The following KCNAB2 variants were observed in gnomAD, a reference collection of about 807,000 sequenced individuals.
The protein encoded by KCNAB2 is voltage-gated potassium channel subunit beta-2.
Under a neutral mutation model 63.6 loss-of-function variants are expected in KCNAB2, and 29 were observed. The ratio of observed to expected loss-of-function variants is 0.46; its 90% CI spans 0.34 to 0.62. KCNAB2 has a LOEUF of 0.62. Among genes scored for constraint, KCNAB2 ranks in the 20% least tolerant of loss-of-function variants. The pLI is 0.01. For missense variants in KCNAB2, 359 were observed against 563.9 expected, an observed-to-expected ratio of 0.64 and a Z score of 3.68; for synonymous variants, 222 against 224.2, an observed-to-expected ratio of 0.99 and a Z score of 0.09.
At chr1:6,053,625 G>A (rs1362052496) in intron 2 of KCNAB2, among the ~76,000 whole-genome samples, 3 of 152,196 alleles carry the variant, frequency 2.0e-5, no homozygotes, top group Non-Finnish European at 4.4e-5. Flanking sequence ...GCTGGAGGGA[G>A]GAAGGTGGAG....
chr1:6,091,109 G>A (rs934102866), intron 9 of KCNAB2, among the ~76,000 whole-genome samples, 154 bp from the exon 10 acceptor site: 2 of 152,204 alleles, frequency 1.3e-5, no homozygotes, highest in African/African-American at 4.8e-5. Flanking sequence ...TATACAGCAC[G>A]CACGTGCGTG....
intron 9 of KCNAB2, among the ~76,000 whole-genome samples, chr1:6,090,750 A>G (rs1231112816): frequency 6.6e-6 from 1 of 152,160 alleles, no homozygotes; most frequent in Non-Finnish European, 1.5e-5. Context: ...CCTCCGAGTC[A>G]GAGCCGCAGT....
rs1463836050 is a variant in KCNAB2, at chr1:6,100,722, C to T, written c.*2148C>T. 6.6e-6 allele frequency: 1 copy of T among 152,318 alleles called. No individual in the cohort carries two copies. The highest frequency in any genetic ancestry group is 1.5e-5 in the Non-Finnish European group (1 of 68,090). The allele number at this position is 152,318 out of a possible 1,614,324, so 9.4% of individuals were successfully genotyped here. A position where few individuals can be genotyped will look rare whatever the true frequency, so the allele number is the denominator to read the frequency against. ...CCTCTGGCGCAGCTCTTTCCACGAC[C>T]TGGTTCCTGGATGTCCTGCTTGCTC... On this transcript the variant is annotated 3_prime_UTR_variant, in exon 16 of 16. Coordinates refer to ENST00000378083, the MANE Select transcript of KCNAB2 (RefSeq NM_001199862.2).
At chr1:6,038,036 A>G (rs1013313209) in intron 1 of KCNAB2, among the ~76,000 whole-genome samples, 3 of 151,408 alleles carry the variant, frequency 2.0e-5, no homozygotes, top group Admixed American at 2.0e-4. Context: ...CATCACACCC[A>G]GCTAATTTTT....
intron 1 of KCNAB2, among the ~76,000 whole-genome samples, chr1:5,999,129 G>T (rs1657096048): frequency 6.6e-6 from 1 of 152,236 alleles, no homozygotes; most frequent in Admixed American, 6.5e-5. Flanking sequence ...CATTTCTGGG[G>T]ACACCCGTGA....
intron 2 of KCNAB2, among the ~76,000 whole-genome samples, chr1:6,059,955 C>T (rs141102513): frequency 2.0e-5 from 3 of 152,314 alleles, no homozygotes; most frequent in African/African-American, 7.2e-5. Flanking sequence ...GAATGGGCCC[C>T]GCCAGTGGGA....
At position 5,994,716 on chromosome 1, in the gene KCNAB2, A is replaced by G. The variant is rs944406105; in HGVS notation, c.-53+1928A>G. ...ATGGGAAGCAGTGTGCACAGAAGCCATTGCACCCGGGAGGTGGGACGTGGG... is the reference window on the plus strand; with the variant it reads ...ATGGGAAGCAGTGTGCACAGAAGCCGTTGCACCCGGGAGGTGGGACGTGGG... On this transcript the variant is annotated intron_variant, in intron 1 of 16. Coordinates refer to the KCNAB2 transcript ENST00000341524. This position sits in a 1 kb window ranked among gnomAD's most constrained non-coding sequence, Gnocchi z 5.4. Among the ~76,000 whole-genome samples the G allele has an allele frequency of 6.6e-6, 1 of 152,126 alleles. No homozygotes were observed. The highest frequency in any genetic ancestry group is 1.5e-5 in the Non-Finnish European group (1 of 68,014).
At chr1:5,996,680 TGGGAAAAG>T (rs1485145736) in intron 1 of KCNAB2, among the ~76,000 whole-genome samples, 1 of 152,210 alleles carries the variant, frequency 6.6e-6, no homozygotes, top group Non-Finnish European at 1.5e-5. Context: ...AAAACAGGAT[TGGGAAAAG>T]GGGAAAAGTG....
rs544448669 is a variant in KCNAB2 at position 6,048,543 on chromosome 1, C to G, written c.-27+2360C>G. Among the ~76,000 whole-genome samples, 11 of 152,386 alleles carry G rather than the reference C, an allele frequency of 7.2e-5. No homozygotes were observed. In the East Asian group the frequency reaches 2.1e-3, roughly 29 times the overall value. On this transcript the variant is annotated intron_variant, in intron 1 of 15. Coordinates refer to ENST00000378083, the MANE Select transcript of KCNAB2 (RefSeq NM_001199862.2). Reference sequence around the variant, plus strand: ...GCTGGGCACTCAGCCACCCCGTCCTCCAGCCCCGGGGCCTTGGCTATATTT... The same window carrying G: ...GCTGGGCACTCAGCCACCCCGTCCTGCAGCCCCGGGGCCTTGGCTATATTT...
At chr1:6,083,270 A>G (rs1664365395) in intron 5 of KCNAB2, among the ~76,000 whole-genome samples, 1 of 152,150 alleles carries the variant, frequency 6.6e-6, no homozygotes, top group African/African-American at 2.4e-5. Flanking sequence ...CCAAGCCGAG[A>G]GGCACCTCCC....
chr1:6,056,543 CG>C (rs1342943923), intron 2 of KCNAB2, among the ~76,000 whole-genome samples: 1 of 152,154 alleles, frequency 6.6e-6, no homozygotes, highest in East Asian at 1.9e-4. Context: ...AAGCTGTGGC[CG>C]GGCCCACACT....
rs375767177 is a variant in KCNAB2, at chr1:6,095,641, G to A, written c.948+17G>A. ...TCCTTGAAGGTGAAGGAACAGCCTG[G>A]TGGGGAGGGACGGGCAGGGGATAGG... On this transcript the variant is annotated intron_variant, in intron 13 of 15. Transcript: ENST00000378083. 1.2e-4 allele frequency: 198 copies of A among 1,611,084 alleles called. No homozygotes were observed. The highest frequency in any genetic ancestry group is 1.6e-4 in the Middle Eastern group (1 of 6,080).
At position 6,082,963 on chromosome 1, in the gene KCNAB2, G is replaced by A. The variant is rs530681848; in HGVS notation, c.380+689G>A. On this transcript the variant is annotated intron_variant, in intron 5 of 15. Transcript: ENST00000378083. ...TAGCTGCTTGGCCCGCAGCTGCTTC[G>A]TGGGCCCTGGGTGGTTACCTGCAAC... 3.9e-5 allele frequency among the ~76,000 whole-genome samples: 6 copies of A among 152,300 alleles called. No homozygotes were observed. In the South Asian group the frequency reaches 8.3e-4, roughly 21 times the overall value.
In KCNAB2 at chr1:6,046,127, A is replaced by G; in HGVS notation, c.-83A>G. 1 of 985,374 alleles carries G rather than the reference A, an allele frequency of 1.0e-6. No individual in the cohort carries two copies. Among genetic ancestry groups the G allele is most frequent in the South Asian group, 4.7e-5 (1 of 21,286 alleles). 61.0% of individuals were successfully genotyped at this position (985,374 alleles called of 1,614,324 possible). On this transcript the variant is annotated 5_prime_UTR_variant, in exon 1 of 16. Transcript: ENST00000378083. ...TGCCAGATCCTTAGAGTGTCTGGTG[A>G]TCCCTAATAAACCAGACTGTGGCCT...
At chr1:6,083,285 C>T (rs1195492126) in intron 5 of KCNAB2, among the ~76,000 whole-genome samples, 2 of 152,188 alleles carry the variant, frequency 1.3e-5, no homozygotes, top group East Asian at 1.9e-4. Context: ...CCTCCCGTCC[C>T]GAGCCCCCCA....
At chr1:6,091,154 G>GTGTTCTGCAC in intron 9 of KCNAB2, 109 bp from the exon 10 acceptor site, 1 of 769,496 alleles carries the variant, frequency 1.3e-6, no homozygotes, top group Admixed American at 2.0e-5. Flanking sequence ...AACTAAACGC[G>GTGTTCTGCAC]TGTTCTGCAC....
At chr1:6,054,352 G>A (rs1321790687) in intron 2 of KCNAB2, among the ~76,000 whole-genome samples, 2 of 152,204 alleles carry the variant, frequency 1.3e-5, no homozygotes, top group African/African-American at 2.4e-5. Flanking sequence ...AAAAGCAGCC[G>A]GGTGAGGTGG....
upstream of KCNAB2, among the ~76,000 whole-genome samples, chr1:6,042,042 C>T (rs1011895346): frequency 1.3e-5 from 2 of 151,994 alleles, no homozygotes; most frequent in Non-Finnish European, 2.9e-5. Flanking sequence ...GGATGCTGTG[C>T]AATGTCCTGA....
At chr1:6,090,562 GC>G (rs1424176059) in intron 9 of KCNAB2, 87 bp downstream of exon 9, 1 of 998,950 alleles carries the variant, frequency 1.0e-6, no homozygotes, top group Admixed American at 2.1e-5. Context: ...GCCAGCATGG[GC>G]CCTGCTGGGC....
Sources: allele counts gnomAD v4.1 joint callset (sites outside exome capture counted in the v4.1 genomes callset), GRCh38; gene constraint gnomAD v4.1.1; non-coding constraint Gnocchi (gnomAD v3.1); transcripts MANE v1.5; gene names NCBI Gene and HGNC (gene_info 2026-07-23, HGNC 2026-07-21).